SLC25A13: variants seen among roughly 807,000 people sequenced by gnomAD.
The protein encoded by SLC25A13 is solute carrier family 25 member 13.
SLC25A13 carries 70 observed loss-of-function variants against 85.5 expected under a neutral mutation model. That is an observed-to-expected ratio of 0.82 (90% confidence interval 0.68 to 1.00). SLC25A13 has a LOEUF of 1.00. Ranked by LOEUF, SLC25A13 falls within the 50% of genes least tolerant of loss-of-function variation. The pLI is 0.00. For missense variants in SLC25A13, 765 were observed against 819.8 expected (o/e 0.93, Z 0.82); for synonymous variants, 259 against 288.7 (o/e 0.90, Z 1.04).
chr7:96,318,172 A>G (rs13237399), intron 1 of SLC25A13, among the ~76,000 whole-genome samples: 96,758 of 151,980 alleles, frequency 0.64, 31,166 homozygotes, highest in Non-Finnish European at 0.67. Context: ...CTAGGCTAAT[A>G]TTGGTCTGTG....
At chr7:96,172,408 A>T (rs534843909) in intron 11 of SLC25A13, among the ~76,000 whole-genome samples, 109 of 152,120 alleles carry the variant, frequency 7.2e-4, no homozygotes, top group African/African-American at 2.6e-3. Context: ...AAATACAAAA[A>T]TTAGCTGGGT....
At chr7:96,200,553 C>G (rs999678891) in intron 5 of SLC25A13, among the ~76,000 whole-genome samples, 14 of 151,986 alleles carry the variant, frequency 9.2e-5, no homozygotes, top group African/African-American at 3.1e-4. Flanking sequence ...CCCCACCCCC[C>G]ATTTGGCCAT....
At chr7:96,180,253 T>C (rs1040703250) in intron 11 of SLC25A13, among the ~76,000 whole-genome samples, 1 of 152,244 alleles carries the variant, frequency 6.6e-6, no homozygotes, top group African/African-American at 2.4e-5. Context: ...AATTACTCTT[T>C]CTGGGAGATT....
chr7:96,300,532 A>T (rs2117002926), intron 1 of SLC25A13, among the ~76,000 whole-genome samples: 1 of 152,368 alleles, frequency 6.6e-6, no homozygotes, highest in African/African-American at 2.4e-5. Context: ...TTACTCCTTA[A>T]GAAATCTAAA....
At chr7:96,267,636 A>C (rs899775913) in intron 3 of SLC25A13, among the ~76,000 whole-genome samples, 3 of 152,020 alleles carry the variant, frequency 2.0e-5, no homozygotes, top group Non-Finnish European at 4.4e-5. Flanking sequence ...CAACATGGGG[A>C]GACCCCGTCT....
At chr7:96,214,727 AAATT>A (rs142635374) in intron 4 of SLC25A13, among the ~76,000 whole-genome samples, 4,313 of 152,006 alleles carry the variant, frequency 0.028, 248 homozygotes, top group East Asian at 0.28. Context: ...CGTTGCAAAA[AAATT>A]AATTAATTAA....
chr7:96,159,083 C>A (rs1277466219), intron 13 of SLC25A13, among the ~76,000 whole-genome samples: 1 of 152,192 alleles, frequency 6.6e-6, no homozygotes, highest in African/African-American at 2.4e-5. Flanking sequence ...CGGCATTCAG[C>A]AACCTCACAA....
chr7:96,139,764 T>G (rs1219687796), intron 14 of SLC25A13, among the ~76,000 whole-genome samples: 2 of 152,186 alleles, frequency 1.3e-5, no homozygotes, highest in African/African-American at 4.8e-5. Flanking sequence ...ATATAATGTC[T>G]TCCAGACTTA....
Position 96,182,716 on chromosome 7 carries a change from ACCT to A in SLC25A13, c.1177+1558_1177+1560del, listed in dbSNP as rs1794467114. Among the ~76,000 whole-genome samples, 3 of 152,166 alleles carry A rather than the reference ACCT, an allele frequency of 2.0e-5. No homozygotes were observed. The South Asian group carries it at 6.2e-4, about 32-fold the overall frequency. On this transcript the variant is annotated intron_variant, in intron 11 of 17. Coordinates refer to ENST00000265631, the MANE Select transcript of SLC25A13 (RefSeq NM_014251.3). ...AAATATAGACGTAACCAAAAATCAG[ACCT>A]GCCAGGTATGGTCAAAGATCGAGAA...
intron 9 of SLC25A13, among the ~76,000 whole-genome samples, chr7:96,186,322 G>A (rs1794642665): frequency 6.6e-6 from 1 of 152,116 alleles, no homozygotes; most frequent in African/African-American, 2.4e-5. Context: ...TCAGCTACTT[G>A]GGAGGCTGAG....
At chr7:96,274,421 T>C (rs1798366532) in intron 3 of SLC25A13, among the ~76,000 whole-genome samples, 1 of 152,212 alleles carries the variant, frequency 6.6e-6, no homozygotes, top group African/African-American at 2.4e-5. Flanking sequence ...CTTTGTCAGA[T>C]GAGTAGATTG....
intron 3 of SLC25A13, among the ~76,000 whole-genome samples, chr7:96,246,426 A>C (rs1209623247): frequency 6.6e-6 from 1 of 152,222 alleles, no homozygotes; most frequent in Non-Finnish European, 1.5e-5. Context: ...GGTAATGATG[A>C]TTAAAACAAT....
intron 14 of SLC25A13, among the ~76,000 whole-genome samples, chr7:96,137,913 C>T (rs1454053902): frequency 6.6e-6 from 1 of 152,174 alleles, no homozygotes; most frequent in African/African-American, 2.4e-5. Context: ...GCCTGATTCA[C>T]GAATCATTCA....
intron 1 of SLC25A13, among the ~76,000 whole-genome samples, chr7:96,310,154 C>T (rs775508245): frequency 2.0e-4 from 30 of 152,298 alleles, no homozygotes; most frequent in East Asian, 1.5e-3. Flanking sequence ...GCAGCCCTAG[C>T]AAACTAATAC....
intron 1 of SLC25A13, among the ~76,000 whole-genome samples, chr7:96,304,150 T>C (rs1217940038): frequency 6.6e-6 from 1 of 152,168 alleles, no homozygotes. Context: ...TACGACCTAA[T>C]AAATGAAGAG....
chr7:96,306,308 C>A (rs76650379), intron 1 of SLC25A13, among the ~76,000 whole-genome samples: 3,164 of 152,358 alleles, frequency 0.021, 69 homozygotes, highest in African/African-American at 0.055. Context: ...ATCCCCCAGT[C>A]TGACCTTCAG....
intron 3 of SLC25A13, among the ~76,000 whole-genome samples, chr7:96,267,323 T>C (rs946114229): frequency 5.9e-5 from 9 of 152,238 alleles, no homozygotes; most frequent in African/African-American, 2.2e-4. Flanking sequence ...TTGTGAAATC[T>C]TTAAAAGGCC....
intron 1 of SLC25A13, among the ~76,000 whole-genome samples, chr7:96,302,308 A>T (rs1359748013): frequency 6.6e-6 from 1 of 152,170 alleles, no homozygotes; most frequent in Non-Finnish European, 1.5e-5. Context: ...TATGAGTTAG[A>T]GCAGCCATAG....
chr7:96,141,268 T>C (rs1792550438), intron 14 of SLC25A13, among the ~76,000 whole-genome samples: 1 of 152,112 alleles, frequency 6.6e-6, no homozygotes, highest in Admixed American at 6.6e-5. Flanking sequence ...CATTAAGAGA[T>C]TGCCCTGGCC....
Sources: gnomAD v4.1 joint callset for allele counts (sites outside exome capture counted in the v4.1 genomes callset) on GRCh38, gnomAD v4.1.1 for gene constraint, MANE v1.5 for transcripts, NCBI Gene and HGNC (gene_info 2026-07-23, HGNC 2026-07-21) for gene names.